DNAH10: variants seen among roughly 807,000 people sequenced by gnomAD.
The protein encoded by DNAH10 is axonemal beta dynein heavy chain 10.
DNAH10 carries 348 observed loss-of-function variants against 506.6 expected under a neutral mutation model. The observed-to-expected ratio is 0.69, with a 90% confidence interval of 0.63 to 0.75. DNAH10 has a LOEUF of 0.75. DNAH10 is among the 30% of genes least tolerant of loss of function. The pLI, the probability that DNAH10 is intolerant of heterozygous loss-of-function variation, is 0.00. For missense variants in DNAH10, 5,179 were observed against 5,787.1 expected (o/e 0.89, Z 3.41); for synonymous variants, 2,059 against 2,198.6 (o/e 0.94, Z 1.78).
In DNAH10 at chr12:123,914,500, C is replaced by G. The variant is rs1954375684; in HGVS notation, c.10524C>G (p.Ser3508Arg). The G allele has an allele frequency of 1.2e-6, 2 of 1,613,716 alleles. No homozygotes were observed. Among genetic ancestry groups the G allele is most frequent in the Middle Eastern group, 1.6e-4 (1 of 6,062 alleles). ...TCCTGGAGCGGGAGATCCCCCTGAG[C>G]CAGCCTTTCCGGCTGGAAAGCCTGC... The part of the protein sequence containing the change: ...NDILEREIPL[S>R]QPFRLESLLT... Residue 3508 changes from serine (S) to arginine (R), a missense_variant, in exon 61 of 79, where the codon AGC (serine) becomes AGG (arginine). Physicochemically the swap from Ser to Arg is moderately radical, Grantham distance 110 (BLOSUM62 -1). This residue lies in a region of DNAH10 where 4,844 missense variants were observed against 5,430.5 expected (regional missense o/e 0.89). Coordinates refer to ENST00000673944, the MANE Select transcript of DNAH10 (RefSeq NM_001372106.1).
chr12:123,927,319 A>C (rs1954991997), intron 69 of DNAH10: 1 of 170,538 alleles, frequency 5.9e-6, no homozygotes, highest in South Asian at 1.5e-4. Context: ...GGCCTCCCAA[A>C]GTGTTGGGAT....
chr12:123,893,264 GAA>G lies in DNAH10; in HGVS notation c.9029_9030del (p.Lys3010ArgfsTer34). The G allele has an allele frequency of 1.2e-6, 2 of 1,614,038 alleles. No homozygotes were observed. The highest frequency in any genetic ancestry group is 1.7e-6 in the Non-Finnish European group (2 of 1,179,898). On this transcript the variant is annotated frameshift_variant, in exon 53 of 79. Transcript: ENST00000673944. LOFTEE classifies it high-confidence loss of function. Reference sequence around the variant, plus strand: ...TACCTGCGCTTTTTTCTGAAGAGGAGAAAGAGTCTATCCTGAGTCAGATTGGA... The same window carrying G: ...TACCTGCGCTTTTTTCTGAAGAGGAGAGAGTCTATCCTGAGTCAGATTGGA... Reference protein sequence around the residue: ...IVPALFSEEEKESILSQIGQE... With the variant: ...IVPALFSEEEXESILSQIGQE...
chr12:123,917,548 C>G lies in DNAH10; in HGVS notation c.11003-36C>G, dbSNP rs1954536215. On this transcript the variant is annotated intron_variant, in intron 63 of 78. Transcript: ENST00000673944. The surrounding 1 kb of genome is among the most constrained non-coding windows in gnomAD (Gnocchi z 5.6). ...CAGCGGGAGAGACTGTTGTTGGGGG[C>G]CGCAGGTGGTGAGGGCCTCTCACTG... is the stretch of plus-strand genomic sequence containing the variant. 1.9e-6 allele frequency: 3 copies of G among 1,538,836 alleles called. No homozygotes were observed. Among genetic ancestry groups the G allele is most frequent in the Non-Finnish European group, 2.6e-6 (3 of 1,138,408 alleles).
At chr12:123,788,818 C>T (rs772024608) in intron 10 of DNAH10, among the ~76,000 whole-genome samples, 22 of 145,176 alleles carry the variant, frequency 1.5e-4, no homozygotes, top group Non-Finnish European at 2.5e-4. Flanking sequence ...CCCAGCCACT[C>T]AGAAGGCTGA....
Position 123,903,705 on chromosome 12 carries a change from C to A in DNAH10, c.9815+592C>A, listed in dbSNP as rs1953640739. ...CGTGGGCTAACAAGCTTTCTCCTCGCATGGCTTGGCCTCCCCAGGGCACTG... is the reference window on the plus strand; with the variant it reads ...CGTGGGCTAACAAGCTTTCTCCTCGAATGGCTTGGCCTCCCCAGGGCACTG... On this transcript the variant is annotated intron_variant, in intron 57 of 78. Coordinates refer to ENST00000673944, the MANE Select transcript of DNAH10 (RefSeq NM_001372106.1). This position sits in a 1 kb window ranked among gnomAD's most constrained non-coding sequence, Gnocchi z 4.6. Among the ~76,000 whole-genome samples the A allele has an allele frequency of 2.0e-5, 3 of 152,228 alleles. No homozygotes were observed. Among genetic ancestry groups the A allele is most frequent in the South Asian group, 4.1e-4 (2 of 4,832 alleles).
chr12:123,863,686 A>G (rs1224666035), intron 39 of DNAH10, among the ~76,000 whole-genome samples: 2 of 152,046 alleles, frequency 1.3e-5, no homozygotes, highest in East Asian at 1.9e-4. Flanking sequence ...TTAGATTAGG[A>G]CTCATCTGTA....
Position 123,909,556 on chromosome 12 carries a change from G to A in DNAH10, c.9997+114G>A. ...GTCGTGGGCAGGCCCTCCCCTTCTGGTCAGATGGTATCGGATGGAACAGGC... is the reference window on the plus strand; with the variant it reads ...GTCGTGGGCAGGCCCTCCCCTTCTGATCAGATGGTATCGGATGGAACAGGC... On this transcript the variant is annotated intron_variant, in intron 58 of 78. Coordinates refer to ENST00000673944, the MANE Select transcript of DNAH10 (RefSeq NM_001372106.1). This position sits in a 1 kb window ranked among gnomAD's most constrained non-coding sequence, Gnocchi z 5.4. The A allele has an allele frequency of 1.5e-6, 2 of 1,321,854 alleles. No individual in the cohort carries two copies. Among genetic ancestry groups the A allele is most frequent in the Non-Finnish European group, 1.0e-6 (1 of 985,646 alleles). 81.9% of individuals were successfully genotyped at this position (1,321,854 alleles called of 1,614,324 possible).
chr12:123,895,557 T>C (rs948377787), intron 54 of DNAH10, among the ~76,000 whole-genome samples: 9 of 152,210 alleles, frequency 5.9e-5, no homozygotes, highest in Non-Finnish European at 1.0e-4. Context: ...TGCCATTTTA[T>C]CATGAAAGCA....
In DNAH10 at chr12:123,924,384, T is replaced by A; in HGVS notation, c.11718T>A (p.Phe3906Leu). 6.2e-7 allele frequency: 1 copy of A among 1,613,824 alleles called. No individual in the cohort carries two copies. Among genetic ancestry groups the A allele is most frequent in the Non-Finnish European group, 8.5e-7 (1 of 1,179,786 alleles). The change falls in exon 67 of 79, where the codon TTT becomes TTA. Residue 3906 changes from phenylalanine to leucine, a missense_variant. Physicochemically the swap from Phe to Leu is conservative, Grantham distance 22. Transcript: ENST00000673944. ...TATCAGAAATGTTTTCAGACAACTT[T>A]GGGCAACTTCCTGATGATGTTGAGA... Reference protein sequence around the residue: ...ILLSEMFSDNFGQLPDDVENN... With the variant: ...ILLSEMFSDNLGQLPDDVENN...
At chr12:123,822,933 G>A (rs867204326) in intron 24 of DNAH10, among the ~76,000 whole-genome samples, 35 of 152,166 alleles carry the variant, frequency 2.3e-4, no homozygotes, top group Non-Finnish European at 4.1e-4. Flanking sequence ...CAATGCAAAC[G>A]CTCATCTCAC....
At chr12:123,795,181 T>C (rs896918516) in intron 12 of DNAH10, among the ~76,000 whole-genome samples, 2 of 151,250 alleles carry the variant, frequency 1.3e-5, no homozygotes, top group Non-Finnish European at 2.9e-5. Context: ...AAAAAAATGC[T>C]TATAATCTTA....
At position 123,790,075 on chromosome 12, in the gene DNAH10, C is replaced by G; in HGVS notation, c.1769C>G (p.Ser590Cys). ...LTFDPFSIKS[S>C]QFWKYVMDEF... is the part of the protein sequence containing the mutation. ...TTTGACCCCTTCAGCATCAAGTCCTCCCAGTTCTGGAAATATGTGATGGAT... is the reference window on the plus strand; with the variant it reads ...TTTGACCCCTTCAGCATCAAGTCCTGCCAGTTCTGGAAATATGTGATGGAT... Residue 590 changes from serine (S) to cysteine (C), a missense_variant, in exon 11 of 79, where the codon TCC (serine) becomes TGC (cysteine). Physicochemically the swap from Ser to Cys is moderately radical, Grantham distance 112 (BLOSUM62 -1). Transcript: ENST00000673944. 6.2e-7 allele frequency: 1 copy of G among 1,614,142 alleles called. No homozygotes were observed. The highest frequency in any genetic ancestry group is 8.5e-7 in the Non-Finnish European group (1 of 1,180,026).
intron 47 of DNAH10, 64 bp downstream of exon 47, chr12:123,875,555 G>T (rs1337827361): frequency 2.5e-6 from 4 of 1,595,380 alleles, no homozygotes; most frequent in African/African-American, 1.3e-5. Context: ...ACATACACAG[G>T]GCTGACTTAT....
intron 73 of DNAH10, 68 bp downstream of exon 73, chr12:123,930,641 G>A (rs1044961445): frequency 9.0e-6 from 14 of 1,549,140 alleles, no homozygotes; most frequent in South Asian, 1.2e-5. Context: ...CATTTCAACC[G>A]GCTCCTCTCC....
chr12:123,879,726 G>A lies in DNAH10; in HGVS notation c.8559G>A (p.Gln2853=). 1 of 1,614,034 alleles carries A rather than the reference G, an allele frequency of 6.2e-7. No individual in the cohort carries two copies. The highest frequency in any genetic ancestry group is 8.5e-7 in the Non-Finnish European group (1 of 1,179,896). ...MRDPILFGDF[Q]MALHEGEPRI... is the part of the protein sequence containing the mutation. ...ATCCCATATTGTTTGGAGACTTCCA[G>A]ATGGCTCTGCACGAAGGAGAACCAC... is the stretch of plus-strand genomic sequence containing the variant. Residue 2853 remains glutamine (Q), a synonymous_variant, in exon 50 of 79, where the codon CAG becomes CAA. Transcript: ENST00000673944.
chr12:123,804,581 C>T (rs959528024), intron 17 of DNAH10, among the ~76,000 whole-genome samples: 3 of 151,086 alleles, frequency 2.0e-5, no homozygotes, highest in Admixed American at 2.0e-4. Flanking sequence ...ACAAGGAATT[C>T]AAGATATGTC....
intron 26 of DNAH10, among the ~76,000 whole-genome samples, chr12:123,830,906 G>A (rs992847410): frequency 6.6e-6 from 1 of 152,092 alleles, no homozygotes; most frequent in East Asian, 1.9e-4. Flanking sequence ...TCGCACCATG[G>A]CACTCCAGCC....
intron 21 of DNAH10, among the ~76,000 whole-genome samples, chr12:123,814,513 A>G (rs576635481): frequency 1.1e-4 from 17 of 152,346 alleles, no homozygotes; most frequent in Non-Finnish European, 2.5e-4. Context: ...CAGTCAAGCA[A>G]TAGAAATGCT....
chr12:123,929,578 G>A (rs943599481), intron 71 of DNAH10, 86 bp from the exon 72 acceptor site: 16 of 1,568,336 alleles, frequency 1.0e-5, no homozygotes, highest in South Asian at 7.0e-5. Flanking sequence ...GGGTTGCACC[G>A]TTCCCAGCAG....
Sources: gnomAD v4.1 joint callset for allele counts (sites outside exome capture counted in the v4.1 genomes callset) on GRCh38, gnomAD v4.1.1 for gene constraint, gnomAD v4.1.1 regional missense constraint, Gnocchi (gnomAD v3.1) non-coding constraint, MANE v1.5 for transcripts, NCBI Gene and HGNC (gene_info 2026-07-23, HGNC 2026-07-21) for gene names.